The following LRIT3 variants were observed in gnomAD, a reference collection of about 807,000 sequenced individuals.
LRIT3 encodes leucine-rich repeat, immunoglobulin-like domain and transmembrane domain-containing protein 3.
A neutral mutation model predicts 22.6 loss-of-function variants in LRIT3; 14 were observed. That is an observed-to-expected ratio of 0.62 (90% CI 0.41 to 0.97). The LOEUF (loss-of-function observed/expected upper bound fraction) is 0.97. Ranked by LOEUF, LRIT3 falls within the 50% of genes least tolerant of loss-of-function variation. The pLI is 0.00. For missense variants in LRIT3, 783 were observed against 803.0 expected (o/e 0.98, Z 0.30); for synonymous variants, 306 against 304.5 (o/e 1.01, Z -0.05).
At chr4:109,869,368 C>CA (rs1734762482) in intron 3 of LRIT3, among the ~76,000 whole-genome samples, 1 of 152,158 alleles carries the variant, frequency 6.6e-6, no homozygotes, top group Admixed American at 6.5e-5. Flanking sequence ...GTTTAGTGGG[C>CA]AAAAGTTTCT....
At chr4:109,851,305 CA>C in intron 1 of LRIT3, 198 bp from the exon 2 acceptor site, 1 of 618,150 alleles carries the variant, frequency 1.6e-6, no homozygotes, top group East Asian at 2.9e-5. Context: ...AGTGGTTTTC[CA>C]TGGCCACAGA....
chr4:109,851,732 T>A lies in LRIT3; in HGVS notation c.345T>A (p.Asn115Lys), dbSNP rs1229427219. ...TGCATGAGTTGCGCTTGGATGGGAA[T>A]TCTCTGGCTGCTTTCCCTTGGGCAT... is the stretch of plus-strand genomic sequence containing the variant. ...KQLHELRLDG[N>K]SLAAFPWASL... Residue 115 changes from asparagine (N) to lysine (K), a missense_variant, in exon 2 of 4, where the codon AAT (asparagine) becomes AAA (lysine). Coordinates refer to ENST00000594814, the MANE Select transcript of LRIT3 (RefSeq NM_198506.5). 9.0e-6 allele frequency: 14 copies of A among 1,551,728 alleles called. No individual in the cohort carries two copies. The highest frequency in any genetic ancestry group is 1.1e-5 in the Non-Finnish European group (13 of 1,146,994).
At chr4:109,850,477 T>C (rs979317763) in intron 1 of LRIT3, among the ~76,000 whole-genome samples, 1 of 141,576 alleles carries the variant, frequency 7.1e-6, no homozygotes, top group Non-Finnish European at 1.5e-5. Flanking sequence ...CTTTCTTTCT[T>C]TCTTTCTTTT....
rs1560589740 is a variant in LRIT3 at position 109,851,857 on chromosome 4, A to G, written c.470A>G (p.Tyr157Cys). 6.4e-7 allele frequency: 1 copy of G among 1,551,620 alleles called. No homozygotes were observed. Among genetic ancestry groups the G allele is most frequent in the Non-Finnish European group, 8.7e-7 (1 of 1,146,984 alleles). Residue 157 changes from tyrosine (Y) to cysteine (C), a missense_variant, in exon 2 of 4, where the codon TAC becomes TGC. Physicochemically the swap from Tyr to Cys is radical, Grantham distance 194. This residue lies in a region of LRIT3 where 756 missense variants were observed against 753.8 expected (regional missense o/e 1.00). Transcript: ENST00000594814. ...EALRYLKNLA[Y>C]LDLSSNRLTT... ...CTCAGGTATCTGAAGAACCTTGCCT[A>G]CTTGGATTTATCAAGCAACAGACTC...
chr4:109,855,951 A>G (rs7654140), intron 2 of LRIT3, among the ~76,000 whole-genome samples: 91,465 of 152,002 alleles, frequency 0.6, 27,908 homozygotes, highest in Non-Finnish European at 0.65. Flanking sequence ...AGCTGTGGCA[A>G]GATGAGGGCG....
intron 2 of LRIT3, among the ~76,000 whole-genome samples, chr4:109,861,467 C>G (rs1734544647): frequency 6.6e-6 from 1 of 151,752 alleles, no homozygotes; most frequent in Non-Finnish European, 1.5e-5. Flanking sequence ...GCTCCATATC[C>G]TCACCAACAC....
intron 1 of LRIT3, among the ~76,000 whole-genome samples, chr4:109,850,961 T>C (rs1734238772): frequency 6.6e-6 from 1 of 151,340 alleles, no homozygotes; most frequent in African/African-American, 2.4e-5. Flanking sequence ...CTTTTTTTTT[T>C]CACCTAAATA....
intron 1 of LRIT3, 139 bp downstream of exon 1, chr4:109,848,456 T>A: frequency 2.3e-6 from 1 of 441,260 alleles, no homozygotes; most frequent in Non-Finnish European, 3.7e-6. Flanking sequence ...AGCTTTAACT[T>A]AATTGTTTTA....
intron 2 of LRIT3, among the ~76,000 whole-genome samples, chr4:109,860,646 C>A (rs1418014655): frequency 2.6e-5 from 4 of 152,220 alleles, no homozygotes; most frequent in African/African-American, 9.6e-5. Context: ...CCTTACATAA[C>A]TTACACCATC....
At chr4:109,852,983 A>G (rs750478715) in intron 2 of LRIT3, among the ~76,000 whole-genome samples, 4 of 152,198 alleles carry the variant, frequency 2.6e-5, no homozygotes, top group Non-Finnish European at 4.4e-5. Context: ...TATGCAGTCT[A>G]TCACTGATGG....
intron 1 of LRIT3, among the ~76,000 whole-genome samples, chr4:109,850,423 C>CTTCCT (rs1734207512): frequency 1.6e-4 from 1 of 6,136 alleles, no homozygotes; most frequent in African/African-American, 3.5e-4. Flanking sequence ...TCCTTCCTTC[C>CTTCCT]TTTCTTTCTT....
chr4:109,866,312 A>AGGCTGTTATGGAACATCACCCC (rs1470145707), intron 2 of LRIT3, among the ~76,000 whole-genome samples: 4 of 152,274 alleles, frequency 2.6e-5, no homozygotes, highest in Admixed American at 2.6e-4. Context: ...GCTTTATATG[A>AGGCTGTTATGGAACATCACCCC]GGCTGTTATG....
At chr4:109,863,117 G>A (rs1734588776) in intron 2 of LRIT3, among the ~76,000 whole-genome samples, 1 of 152,210 alleles carries the variant, frequency 6.6e-6, no homozygotes, top group African/African-American at 2.4e-5. Context: ...AATCTGGGAT[G>A]TAGGATTCTA....
chr4:109,864,594 C>T (rs1195916841), intron 2 of LRIT3, among the ~76,000 whole-genome samples: 1 of 152,160 alleles, frequency 6.6e-6, no homozygotes, highest in South Asian at 2.1e-4. Context: ...ATTTGTTAAA[C>T]TGTGTGGGTC....
At position 109,867,672 on chromosome 4, in the gene LRIT3, T is replaced by C; in HGVS notation, c.621T>C (p.Cys207=). ...AGGACAATCCTTGGTTCTGTGACTG[T>C]CATATTTCCAAAATGATTGAGTTGT... ...GLQDNPWFCD[C]HISKMIELSK... is the part of the protein sequence containing the mutation. The change falls in exon 3 of 4, where the codon TGT becomes TGC. Residue 207 remains cysteine (C), a synonymous_variant. Transcript: ENST00000594814. 4.3e-6 allele frequency: 7 copies of C among 1,614,124 alleles called. No individual in the cohort carries two copies. The highest frequency in any genetic ancestry group is 5.9e-6 in the Non-Finnish European group (7 of 1,179,958).
rs756641450 is a variant in LRIT3 at position 109,851,556 on chromosome 4, G to A, written c.169G>A (p.Val57Met). 1.2e-5 allele frequency: 19 copies of A among 1,551,580 alleles called. No individual in the cohort carries two copies. The highest frequency in any genetic ancestry group is 5.9e-5 in the Admixed American group (3 of 50,984). ...DMNELPTNLP[V>M]DTVKLRIEKT... ...GAACGAGCTGCCTACGAACCTCCCC[G>A]TGGACACTGTGAAGCTTCGCATAGA... is the stretch of plus-strand genomic sequence containing the variant. The change falls in exon 2 of 4, where the codon GTG (valine) becomes ATG (methionine). Residue 57 changes from valine (V) to methionine (M), a missense_variant. This residue lies in a region of LRIT3 where 756 missense variants were observed against 753.8 expected (regional missense o/e 1.00). Transcript: ENST00000594814.
chr4:109,848,443 A>G (rs1734130366), intron 1 of LRIT3, 126 bp downstream of exon 1: 1 of 462,088 alleles, frequency 2.2e-6, no homozygotes, highest in Non-Finnish European at 3.5e-6. Context: ...TTTAGTGTCC[A>G]TAAGCTTTAA....
chr4:109,854,432 T>A (rs1734352791), intron 2 of LRIT3, among the ~76,000 whole-genome samples: 1 of 152,212 alleles, frequency 6.6e-6, no homozygotes, highest in Non-Finnish European at 1.5e-5. Context: ...AGCACATTGA[T>A]TTTGTATCCT....
chr4:109,868,022 G>A, intron 3 of LRIT3, 76 bp downstream of exon 3: 1 of 1,422,518 alleles, frequency 7.0e-7, no homozygotes. Flanking sequence ...TGTGTGATTT[G>A]AAATTAGCTA....
Sources: gnomAD v4.1 joint callset for allele counts (sites outside exome capture counted in the v4.1 genomes callset) on GRCh38, gnomAD v4.1.1 for gene constraint, gnomAD v4.1.1 regional missense constraint, MANE v1.5 for transcripts, NCBI Gene and HGNC (gene_info 2026-07-23, HGNC 2026-07-21) for gene names.